The following CHCHD3 variants were observed in gnomAD, a reference collection of about 807,000 sequenced individuals.
CHCHD3 encodes MICOS complex subunit MIC19.
In CHCHD3, 20 loss-of-function variants were observed where a neutral mutation model predicts 38.2. That is an observed-to-expected ratio of 0.52 (90% CI 0.37 to 0.76). The LOEUF (loss-of-function observed/expected upper bound fraction) is 0.76, where lower values mean the gene tolerates loss of function less well. Ranked by LOEUF, CHCHD3 falls within the 30% of genes least tolerant of loss-of-function variation. The pLI, the probability that CHCHD3 is intolerant of heterozygous loss-of-function variation, is 0.00. For missense variants in CHCHD3, 245 were observed against 279.2 expected (o/e 0.88, Z 0.87); for synonymous variants, 82 against 100.0 (o/e 0.82, Z 1.07).
chr7:132,907,381 T>C (rs1436130101), intron 4 of CHCHD3, among the ~76,000 whole-genome samples: 1 of 151,998 alleles, frequency 6.6e-6, no homozygotes, highest in Non-Finnish European at 1.5e-5. Context: ...TAATAGAATA[T>C]AATATACAAT....
Position 132,906,394 on chromosome 7 carries a change from T to C in CHCHD3, c.370-20649A>G, listed in dbSNP as rs144566248. ...TTAATCTGAAACTGAAAACAAGCAG[T>C]GTAATGACAGTTAGCAAGTTAACAC... is the stretch of plus-strand genomic sequence containing the variant. On this transcript the variant is annotated intron_variant, in intron 4 of 7. Transcript: ENST00000262570. Among the ~76,000 whole-genome samples, 865 of 152,290 alleles carry C rather than the reference T, an allele frequency of 5.7e-3. 10 individuals are homozygous for C. Among genetic ancestry groups the C allele is most frequent in the Non-Finnish European group, 6.1e-3 (417 of 68,032 alleles).
At chr7:132,844,282 A>G (rs1453261257) in intron 5 of CHCHD3, among the ~76,000 whole-genome samples, 1 of 152,220 alleles carries the variant, frequency 6.6e-6, no homozygotes, top group Non-Finnish European at 1.5e-5. Context: ...TTGGCGACAG[A>G]GCAAGACCTG....
intron 4 of CHCHD3, among the ~76,000 whole-genome samples, chr7:132,967,306 T>C (rs4728274): frequency 0.21 from 31,355 of 152,002 alleles, 3,523 homozygotes; most frequent in South Asian, 0.25. Flanking sequence ...CTAATCACTG[T>C]CCAAAAGGCC....
chr7:132,821,802 C>CCGGACTG (rs1466922221), intron 6 of CHCHD3, among the ~76,000 whole-genome samples: 1 of 131,990 alleles, frequency 7.6e-6, no homozygotes, highest in Non-Finnish European at 1.5e-5. Flanking sequence ...GTCGTCCAGG[C>CCGGACTG]CGGACTGCGG....
intron 3 of CHCHD3, among the ~76,000 whole-genome samples, chr7:133,009,258 G>A (rs1178476572): frequency 6.6e-6 from 1 of 151,438 alleles, no homozygotes; most frequent in East Asian, 1.9e-4. Flanking sequence ...CAGCTAATCG[G>A]GAGGCTGAGG....
rs769308163 is a variant in CHCHD3 at position 133,039,461 on chromosome 7, C to T, written c.170-14834G>A. 3.9e-5 allele frequency among the ~76,000 whole-genome samples: 6 copies of T among 152,084 alleles called. No individual in the cohort carries two copies. In the South Asian group the frequency reaches 1.0e-3, roughly 26 times the overall value. ...TACCAAGTCTTTTCAATTTTTAATC[C>T]ATGCTGATAAATCAAGAGTAACTAA... On this transcript the variant is annotated intron_variant, in intron 2 of 7. Transcript: ENST00000262570.
intron 2 of CHCHD3, among the ~76,000 whole-genome samples, chr7:133,052,595 C>T (rs1020107751): frequency 6.6e-6 from 1 of 152,274 alleles, no homozygotes; most frequent in Middle Eastern, 3.4e-3. Flanking sequence ...TGTTAAAATG[C>T]TCATACTAAC....
chr7:132,966,460 C>T (rs181741303), intron 4 of CHCHD3, among the ~76,000 whole-genome samples: 47 of 152,188 alleles, frequency 3.1e-4, no homozygotes, highest in African/African-American at 8.2e-4. Flanking sequence ...AATAAAAGCA[C>T]GGATACAGAA....
intron 2 of CHCHD3, among the ~76,000 whole-genome samples, chr7:133,032,500 T>C (rs943312169): frequency 1.3e-5 from 2 of 152,344 alleles, no homozygotes; most frequent in Admixed American, 1.3e-4. Flanking sequence ...TCAGGATGTA[T>C]ATACCTTTGT....
chr7:133,038,428 T>C (rs1405454131), intron 2 of CHCHD3, among the ~76,000 whole-genome samples: 1 of 152,190 alleles, frequency 6.6e-6, no homozygotes, highest in African/African-American at 2.4e-5. Flanking sequence ...AGATTCAAAG[T>C]GTCTCCAAAA....
chr7:133,014,807 C>T (rs1209806666), intron 3 of CHCHD3, among the ~76,000 whole-genome samples: 3 of 152,070 alleles, frequency 2.0e-5, no homozygotes, highest in Non-Finnish European at 2.9e-5. Flanking sequence ...ATTCCCCCAC[C>T]GTGAAAGGTG....
At chr7:132,797,044 T>C (rs943749383) in intron 6 of CHCHD3, among the ~76,000 whole-genome samples, 14 of 152,164 alleles carry the variant, frequency 9.2e-5, no homozygotes, top group Non-Finnish European at 1.9e-4. Flanking sequence ...TGACACCCTC[T>C]ACTCCTGCCT....
chr7:132,926,813 TA>T (rs1810390244), intron 4 of CHCHD3, among the ~76,000 whole-genome samples: 1 of 152,224 alleles, frequency 6.6e-6, no homozygotes, highest in African/African-American at 2.4e-5. Flanking sequence ...GTATTGTTTT[TA>T]ATGTGTATTT....
chr7:132,985,064 A>G (rs1190954202), intron 3 of CHCHD3, among the ~76,000 whole-genome samples: 83 of 33,238 alleles, frequency 2.5e-3, no homozygotes, highest in Admixed American at 3.8e-3. Context: ...CCCCGTCCGG[A>G]AGGGAGGTGG....
At chr7:132,831,166 G>T (rs1807639279) in intron 6 of CHCHD3, among the ~76,000 whole-genome samples, 1 of 152,074 alleles carries the variant, frequency 6.6e-6, no homozygotes. Context: ...AATAACTCTA[G>T]TTATAATGTA....
chr7:132,974,112 G>A (rs1244895605), intron 4 of CHCHD3: 12 of 1,033,764 alleles, frequency 1.2e-5, no homozygotes, highest in Non-Finnish European at 5.1e-6. Flanking sequence ...CTACATTTCA[G>A]AAAAATGTTC....
At chr7:132,994,722 A>G (rs549862748) in intron 3 of CHCHD3, among the ~76,000 whole-genome samples, 10 of 152,320 alleles carry the variant, frequency 6.6e-5, no homozygotes, top group African/African-American at 2.4e-4. Context: ...CTTAGAAAAC[A>G]ATTTCCAACA....
intron 3 of CHCHD3, among the ~76,000 whole-genome samples, chr7:132,982,459 AT>A (rs1811944228): frequency 6.6e-6 from 1 of 152,006 alleles, no homozygotes; most frequent in African/African-American, 2.4e-5. Flanking sequence ...TAATTTTTGT[AT>A]TTTTAGTAAA....
chr7:133,073,861 T>C (rs1225241064), intron 1 of CHCHD3, among the ~76,000 whole-genome samples: 1 of 152,194 alleles, frequency 6.6e-6, no homozygotes, highest in Non-Finnish European at 1.5e-5. Flanking sequence ...AACCTCAAAT[T>C]CTACAGTTTT....
Sources: allele counts gnomAD v4.1 joint callset (sites outside exome capture counted in the v4.1 genomes callset), GRCh38; gene constraint gnomAD v4.1.1; transcripts MANE v1.5; gene names NCBI Gene and HGNC (gene_info 2026-07-23, HGNC 2026-07-21).